Variants in SH3PXD2A observed in about 807,000 individuals in gnomAD.
SH3PXD2A encodes the protein SH3 and PX domain-containing protein 2A.
SH3PXD2A carries 32 observed loss-of-function variants against 115.2 expected under a neutral mutation model. The observed-to-expected ratio is 0.28, with a 90% CI of 0.21 to 0.37. The LOEUF is 0.37. SH3PXD2A is among the 10% of genes least tolerant of loss of function. The probability of loss-of-function intolerance (pLI) is 1.00; values close to 1 mark genes in which losing one functional copy is unlikely to be tolerated. For synonymous variants in SH3PXD2A, 610 were observed against 629.1 expected (o/e 0.97, Z 0.45); for missense variants, 1,328 against 1,498.7 (o/e 0.89, Z 1.88).
chr10:103,603,440 G>A lies in SH3PXD2A; in HGVS notation c.1778C>T (p.Ser593Leu), dbSNP rs776936856. 2.0e-5 allele frequency: 32 copies of A among 1,613,334 alleles called. No individual in the cohort carries two copies. Among genetic ancestry groups the A allele is most frequent in the Admixed American group, 1.0e-4 (6 of 59,954 alleles). ...GGCCCGCTGCAGAGAAGAGGCCGGCGAGGGCCGGTGGGGCTGGGCAGGCCG... is the reference window on the plus strand; with the variant it reads ...GGCCCGCTGCAGAGAAGAGGCCGGCAAGGGCCGGTGGGGCTGGGCAGGCCG... ...ERRPAQPHRP[S>L]PASSLQRARF... is the part of the protein sequence containing the mutation. The change falls in exon 15 of 15, where the codon TCG becomes TTG. Residue 593 changes from serine (S) to leucine (L), a missense_variant. Physicochemically the swap from Ser to Leu is moderately radical, Grantham distance 145 (BLOSUM62 -2). Around this residue, in one of 5 missense-constraint regions of SH3PXD2A, gnomAD observed 509 missense variants for 628.3 expected, o/e 0.81. Coordinates refer to ENST00000369774, the MANE Select transcript of SH3PXD2A (RefSeq NM_001394015.1).
chr10:103,717,091 A>C (rs1260203428), intron 5 of SH3PXD2A, among the ~76,000 whole-genome samples: 1 of 152,172 alleles, frequency 6.6e-6, no homozygotes, highest in East Asian at 1.9e-4. Context: ...TCTACAGATA[A>C]AGGAAACTGA....
At chr10:103,716,716 C>A (rs1407630588) in intron 5 of SH3PXD2A, among the ~76,000 whole-genome samples, 1 of 152,028 alleles carries the variant, frequency 6.6e-6, no homozygotes, top group Non-Finnish European at 1.5e-5. Context: ...AAGAGCAGGG[C>A]AGATCAGCTC....
chr10:103,738,183 G>A (rs2038401018), intron 3 of SH3PXD2A, among the ~76,000 whole-genome samples: 1 of 152,200 alleles, frequency 6.6e-6, no homozygotes. Flanking sequence ...AAGATGAAGC[G>A]GCTCTGCCCT....
chr10:103,686,860 C>T (rs1322435587), intron 6 of SH3PXD2A, among the ~76,000 whole-genome samples: 2 of 151,336 alleles, frequency 1.3e-5, no homozygotes, highest in South Asian at 2.1e-4. Flanking sequence ...ATTCTCCCTG[C>T]CTCAGCCTCC....
At chr10:103,634,617 G>C (rs778490606) in intron 8 of SH3PXD2A, among the ~76,000 whole-genome samples, 4 of 152,126 alleles carry the variant, frequency 2.6e-5, no homozygotes, top group African/African-American at 4.8e-5. Flanking sequence ...CTGAATATTG[G>C]TACTTTACAC....
At chr10:103,646,592 C>T (rs773136601) in intron 8 of SH3PXD2A, among the ~76,000 whole-genome samples, 1 of 152,180 alleles carries the variant, frequency 6.6e-6, no homozygotes, top group African/African-American at 2.4e-5. Flanking sequence ...ACCACCTTGT[C>T]CCACAACCAA....
intron 3 of SH3PXD2A, among the ~76,000 whole-genome samples, chr10:103,764,060 G>A (rs1042669385): frequency 1.3e-5 from 2 of 152,156 alleles, no homozygotes; most frequent in Admixed American, 6.5e-5. Context: ...TGCATTTAAC[G>A]AACTTGACCT....
chr10:103,659,547 TGGCACCATGAGCATGACAAA>T (rs1054522962), intron 8 of SH3PXD2A, among the ~76,000 whole-genome samples: 7 of 152,148 alleles, frequency 4.6e-5, no homozygotes, highest in Admixed American at 3.3e-4. Flanking sequence ...GGCAGGGACG[TGGCACCATGAGCATGACAAA>T]GGCTGAGGAC....
chr10:103,725,164 G>T (rs1005741196), intron 4 of SH3PXD2A, among the ~76,000 whole-genome samples: 14 of 152,186 alleles, frequency 9.2e-5, no homozygotes, highest in African/African-American at 3.4e-4. Context: ...CAATTAACTG[G>T]TCAAGGTGGA....
At chr10:103,750,240 G>C (rs773531677) in intron 3 of SH3PXD2A, among the ~76,000 whole-genome samples, 5 of 152,110 alleles carry the variant, frequency 3.3e-5, no homozygotes, top group Non-Finnish European at 7.3e-5. Context: ...TTCTTGTAGA[G>C]ATGGGGGTCT....
chr10:103,803,658 A>C (rs61861109), intron 1 of SH3PXD2A, among the ~76,000 whole-genome samples: 8,673 of 152,310 alleles, frequency 0.057, 310 homozygotes, highest in Non-Finnish European at 0.07. Flanking sequence ...ACTGAACTGG[A>C]CTATCTCCCT....
intron 8 of SH3PXD2A, among the ~76,000 whole-genome samples, chr10:103,655,771 TAA>T (rs60526548): frequency 0.043 from 1,970 of 46,104 alleles, 30 homozygotes; most frequent in African/African-American, 0.15. Flanking sequence ...AGACCCTGTC[TAA>T]AAAAAAAAAA....
intron 3 of SH3PXD2A, among the ~76,000 whole-genome samples, chr10:103,742,802 T>G (rs894549231): frequency 6.6e-6 from 1 of 152,092 alleles, no homozygotes; most frequent in African/African-American, 2.4e-5. Context: ...ACAGGCAAGC[T>G]GTGGGGACCT....
chr10:103,658,725 T>C (rs982078568), intron 8 of SH3PXD2A, among the ~76,000 whole-genome samples: 4 of 152,150 alleles, frequency 2.6e-5, no homozygotes, highest in Non-Finnish European at 5.9e-5. Context: ...CTCCCAGAAG[T>C]AGAAAAGCCA....
intron 1 of SH3PXD2A, among the ~76,000 whole-genome samples, chr10:103,806,199 C>T (rs1034126755): frequency 6.6e-6 from 1 of 152,022 alleles, no homozygotes; most frequent in East Asian, 1.9e-4. Flanking sequence ...TTGCCAGAGG[C>T]CCCCCAGCCT....
rs2036972805 is a variant in SH3PXD2A at position 103,642,686 on chromosome 10, G to A, written c.605-15484C>T. Among the ~76,000 whole-genome samples the A allele has an allele frequency of 4.6e-5, 7 of 152,180 alleles. No individual in the cohort carries two copies. The South Asian group carries it at 1.5e-3, about 32-fold the overall frequency. On this transcript the variant is annotated intron_variant, in intron 8 of 14. Transcript: ENST00000369774. Reference sequence around the variant, plus strand: ...AAAAGAAAAGAAAAGAATGGAAAGTGCCCAGAAATGTGCCTGGTGCTTAAT... The same window carrying A: ...AAAAGAAAAGAAAAGAATGGAAAGTACCCAGAAATGTGCCTGGTGCTTAAT...
chr10:103,844,762 G>A (rs1451718049), intron 1 of SH3PXD2A, among the ~76,000 whole-genome samples: 1 of 152,188 alleles, frequency 6.6e-6, no homozygotes, highest in Non-Finnish European at 1.5e-5. Context: ...TGAGTCAAAT[G>A]GGGTTAAAAA....
chr10:103,620,108 G>A lies in SH3PXD2A; in HGVS notation c.802+2362C>T, dbSNP rs1173901626. On this transcript the variant is annotated intron_variant, in intron 10 of 14. Coordinates refer to ENST00000369774, the MANE Select transcript of SH3PXD2A (RefSeq NM_001394015.1). This position sits in a 1 kb window ranked among gnomAD's most constrained non-coding sequence, Gnocchi z 5.3. Reference sequence around the variant, plus strand: ...CAGACAAGAGGAGGCCCAGACAGACGGACATGGCCTCAGCGGGCAGCTGCA... The same window carrying A: ...CAGACAAGAGGAGGCCCAGACAGACAGACATGGCCTCAGCGGGCAGCTGCA... Among the ~76,000 whole-genome samples, 2 of 152,218 alleles carry A rather than the reference G, an allele frequency of 1.3e-5. No individual in the cohort carries two copies. Among genetic ancestry groups the A allele is most frequent in the Admixed American group, 6.5e-5 (1 of 15,286 alleles).
At chr10:103,811,932 G>C (rs1408987190) in intron 1 of SH3PXD2A, among the ~76,000 whole-genome samples, 1 of 152,180 alleles carries the variant, frequency 6.6e-6, no homozygotes, top group Non-Finnish European at 1.5e-5. Flanking sequence ...CAGTGCCTTG[G>C]ACACTGTAGG....
Sources: allele counts gnomAD v4.1 joint callset (sites outside exome capture counted in the v4.1 genomes callset), GRCh38; gene constraint gnomAD v4.1.1; regional missense constraint gnomAD v4.1.1; non-coding constraint Gnocchi (gnomAD v3.1); transcripts MANE v1.5; gene names NCBI Gene and HGNC (gene_info 2026-07-23, HGNC 2026-07-21).